Variants in PLAC8L1 observed in about 807,000 individuals in gnomAD.
The protein encoded by PLAC8L1 is PLAC8 like 1.
PLAC8L1 carries 13 observed loss-of-function variants against 16.3 expected under a neutral mutation model. The observed-to-expected ratio is 0.80, with a 90% CI of 0.52 to 1.27. The LOEUF is 1.27. Among genes scored for constraint, PLAC8L1 ranks in the 50% most tolerant of loss-of-function variants. The probability of loss-of-function intolerance (pLI) is 0.00; values close to 1 mark genes in which losing one functional copy is unlikely to be tolerated. For synonymous variants in PLAC8L1, 78 were observed against 79.3 expected (o/e 0.98, Z 0.09); for missense variants, 184 against 220.2 (o/e 0.84, Z 1.04).
chr5:146,098,053 A>G, intron 2 of PLAC8L1, 103 bp downstream of exon 2: 2 of 1,325,232 alleles, frequency 1.5e-6, no homozygotes, highest in Non-Finnish European at 2.1e-6. Flanking sequence ...TTATTCTGAA[A>G]ACATTTAATT....
rs1182580047 is a variant in PLAC8L1 at position 146,085,657 on chromosome 5, C to G, written c.257-60G>C. The G allele has an allele frequency of 6.4e-6, 10 of 1,550,628 alleles. No homozygotes were observed. The African/African-American group carries it at 1.4e-4, about 21-fold the overall frequency. ...CAGATTTCTTGGAGCAACTTCACAT[C>G]TCAAAGAATATTTACAACATTATGC... On this transcript the variant is annotated intron_variant, in intron 2 of 3. Coordinates refer to ENST00000311450, the MANE Select transcript of PLAC8L1 (RefSeq NM_001029869.3).
chr5:146,105,522 C>T lies in PLAC8L1; in HGVS notation c.-1211G>A, dbSNP rs556507640. Reference sequence around the variant, plus strand: ...TAATTTGTTGAATAAATGTGCCCTACATGAAAATTCAGGTTTATAAGAATA... The same window carrying T: ...TAATTTGTTGAATAAATGTGCCCTATATGAAAATTCAGGTTTATAAGAATA... On this transcript the variant is annotated 5_prime_UTR_variant, in exon 1 of 4. The change abolishes an upstream ATG in the 5' untranslated region. Coordinates refer to ENST00000311450, the MANE Select transcript of PLAC8L1 (RefSeq NM_001029869.3). Among the ~76,000 whole-genome samples, 21 of 114,994 alleles carry T rather than the reference C, an allele frequency of 1.8e-4. No individual in the cohort carries two copies. The highest frequency in any genetic ancestry group is 6.0e-4 in the African/African-American group (18 of 30,182). 75.4% of individuals were successfully genotyped at this position (114,994 alleles called of 152,430 possible).
At chr5:146,085,620 A>C in intron 2 of PLAC8L1, 23 bp from the exon 3 acceptor site, 1 of 1,591,452 alleles carries the variant, frequency 6.3e-7, no homozygotes, top group South Asian at 1.1e-5. Flanking sequence ...ACATCCAAAA[A>C]GCCAAGGTTC....
At chr5:146,097,974 T>G (rs1001562608) in intron 2 of PLAC8L1, among the ~76,000 whole-genome samples, 182 bp downstream of exon 2, 1 of 152,166 alleles carries the variant, frequency 6.6e-6, no homozygotes, top group Non-Finnish European at 1.5e-5. Flanking sequence ...CTATAAAACA[T>G]CCATATCTCT....
intron 2 of PLAC8L1, among the ~76,000 whole-genome samples, chr5:146,097,532 A>C (rs1461984925): frequency 6.6e-6 from 1 of 152,208 alleles, no homozygotes; most frequent in East Asian, 1.9e-4. Flanking sequence ...CTCTCCAAAA[A>C]CACGGTATCT....
intron 2 of PLAC8L1, among the ~76,000 whole-genome samples, chr5:146,090,534 AAAAACAAAAC>A (rs71581853): frequency 0.015 from 2,198 of 149,772 alleles, 29 homozygotes; most frequent in Non-Finnish European, 0.019. Flanking sequence ...GACCGTCTCA[AAAAACAAAAC>A]AAAACAAAAC....
At position 146,086,024 on chromosome 5, in the gene PLAC8L1, C is replaced by CTTTTTTTTTTTTTTTT. The variant is rs58130114; in HGVS notation, c.257-443_257-428dup. Among the ~76,000 whole-genome samples the CTTTTTTTTTTTTTTTT allele has an allele frequency of 2.4e-4, 22 of 90,390 alleles. 1 individual carries two copies. Among genetic ancestry groups the CTTTTTTTTTTTTTTTT allele is most frequent in the African/African-American group, 9.7e-4 (21 of 21,658 alleles). 59.3% of individuals were successfully genotyped at this position (90,390 alleles called of 152,430 possible). A position where few individuals can be genotyped will look rare whatever the true frequency, so the allele number is the denominator to read the frequency against. On this transcript the variant is annotated intron_variant, in intron 2 of 3. Coordinates refer to ENST00000311450, the MANE Select transcript of PLAC8L1 (RefSeq NM_001029869.3). Reference sequence around the variant, plus strand: ...ATTTCTATAAGTGTAATTGAAAGGTCTTTTTTTTTTTTTTTTTTTTTTTGA... The same window carrying CTTTTTTTTTTTTTTTT: ...ATTTCTATAAGTGTAATTGAAAGGTCTTTTTTTTTTTTTTTTTTTTTTTTTTTTTTTTTTTTTTTGA...
chr5:146,090,161 G>A (rs1328215199), intron 2 of PLAC8L1, among the ~76,000 whole-genome samples: 1 of 152,106 alleles, frequency 6.6e-6, no homozygotes, highest in Admixed American at 6.6e-5. Context: ...CAGGATGATG[G>A]GATCCTTTGT....
intron 2 of PLAC8L1, among the ~76,000 whole-genome samples, chr5:146,086,222 G>T (rs1429110759): frequency 6.6e-6 from 1 of 151,090 alleles, no homozygotes; most frequent in Non-Finnish European, 1.5e-5. Context: ...GTAGAGACGG[G>T]GTTTCACCGT....
intron 2 of PLAC8L1, among the ~76,000 whole-genome samples, chr5:146,088,499 A>G (rs1193104850): frequency 6.6e-6 from 1 of 152,190 alleles, no homozygotes; most frequent in Admixed American, 6.5e-5. Context: ...AGTGACAAAG[A>G]GGCAAAAAAC....
chr5:146,085,694 T>G, intron 2 of PLAC8L1, 97 bp from the exon 3 acceptor site: 1 of 1,299,748 alleles, frequency 7.7e-7, no homozygotes. Context: ...ACCAGTTTAA[T>G]GCTGCACTGT....
intron 2 of PLAC8L1, among the ~76,000 whole-genome samples, chr5:146,087,280 A>G (rs1446493939): frequency 6.6e-6 from 1 of 152,114 alleles, no homozygotes; most frequent in Non-Finnish European, 1.5e-5. Context: ...ATTGATAAAC[A>G]TTTGATTATT....
At position 146,085,588 on chromosome 5, in the gene PLAC8L1, C is replaced by T; in HGVS notation, c.266G>A (p.Gly89Asp). ...CTCAAGACACATAGGACAGAATAGACCACAGAAACCTGTCAATAACCACAT... is the reference window on the plus strand; with the variant it reads ...CTCAAGACACATAGGACAGAATAGATCACAGAAACCTGTCAATAACCACAT... ...VCRDRRICFC[G>D]LFCPMCLECD... The change falls in exon 3 of 4, where the codon GGT becomes GAT. Residue 89 changes from glycine to aspartate, a missense_variant. Gly to Asp is a moderately conservative substitution (Grantham distance 94). Transcript: ENST00000311450. The T allele has an allele frequency of 1.9e-6, 3 of 1,611,312 alleles. No individual in the cohort carries two copies. The highest frequency in any genetic ancestry group is 2.5e-6 in the Non-Finnish European group (3 of 1,178,670).
chr5:146,095,967 T>G (rs2150036327), intron 2 of PLAC8L1, among the ~76,000 whole-genome samples: 1 of 152,320 alleles, frequency 6.6e-6, no homozygotes, highest in Admixed American at 6.5e-5. Flanking sequence ...CAATGTTGGC[T>G]TATATATTCG....
Position 146,098,247 on chromosome 5 carries a change from T to TC in PLAC8L1, c.164dup (p.Ala56SerfsTer28), listed in dbSNP as rs748697690. 10 of 1,614,122 alleles carry TC rather than the reference T, an allele frequency of 6.2e-6. No homozygotes were observed. The South Asian group carries it at 1.1e-4, about 18-fold the overall frequency. On this transcript the variant is annotated frameshift_variant, in exon 2 of 4. Coordinates refer to ENST00000311450, the MANE Select transcript of PLAC8L1 (RefSeq NM_001029869.3). LOFTEE classifies it high-confidence loss of function. ...CTGTGATTGTCGTCCTGCCACTGGC[T>TC]CCCCGAACAGGCTGCTTCACCACAG...
intron 1 of PLAC8L1, chr5:146,099,509 A>C (rs1433400962): frequency 6.6e-6 from 1 of 152,132 alleles, no homozygotes. Flanking sequence ...AAATACAAAA[A>C]TTAGCTGGGC....
rs200755674 is a variant in PLAC8L1, at chr5:146,098,204, C to T, written c.208G>A (p.Gly70Arg). 5.1e-5 allele frequency: 83 copies of T among 1,614,112 alleles called. No homozygotes were observed. Among genetic ancestry groups the T allele is most frequent in the East Asian group, 2.5e-4 (11 of 44,894 alleles). The change falls in exon 2 of 4, where the codon GGG (glycine) becomes AGG (arginine). Residue 70 changes from glycine (G) to arginine (R), a missense_variant. Physicochemically the swap from Gly to Arg is moderately radical, Grantham distance 125. Transcript: ENST00000311450. ...CTGAAGAGACCGGTGCTCCAGCCCC[C>T]GCCAGTCTGGACAATTGCTGTGATT... ...TTITAIVQTG[G>R]GWSTGLFSVC...
At chr5:146,099,627 C>G (rs1561785523) in intron 1 of PLAC8L1, among the ~76,000 whole-genome samples, 1 of 149,522 alleles carries the variant, frequency 6.7e-6, no homozygotes, top group African/African-American at 2.5e-5. Context: ...CCACTGCACC[C>G]CAGCCTGGGT....
At chr5:146,098,111 A>C (rs1763745207) in intron 2 of PLAC8L1, 45 bp downstream of exon 2, 3 of 1,574,440 alleles carry the variant, frequency 1.9e-6, no homozygotes, top group Non-Finnish European at 2.6e-6. Flanking sequence ...ATGTCCTGGA[A>C]AAGAAAATAG....
Sources: allele counts gnomAD v4.1 joint callset (sites outside exome capture counted in the v4.1 genomes callset), GRCh38; gene constraint gnomAD v4.1.1; transcripts MANE v1.5; gene names NCBI Gene and HGNC (gene_info 2026-07-23, HGNC 2026-07-21).